LCTL: variants seen among roughly 807,000 people sequenced by gnomAD.
LCTL encodes lactase-like protein.
A neutral mutation model predicts 75.8 loss-of-function variants in LCTL; 76 were observed. The observed-to-expected ratio is 1.00, with a 90% CI of 0.83 to 1.21. LCTL has a LOEUF of 1.21. Among genes scored for constraint, LCTL ranks in the 50% most tolerant of loss-of-function variants. LCTL has a pLI of 0.00. For missense variants in LCTL, 670 were observed against 712.4 expected (o/e 0.94, Z 0.68); for synonymous variants, 271 against 268.8 (o/e 1.01, Z -0.08).
exon 5 of LCTL, chr15:66,561,300 A>G: frequency 1.9e-6 from 3 of 1,614,240 alleles, no homozygotes; most frequent in South Asian, 2.2e-5. Flanking sequence ...CACCCACCGT[A>G]TTTGACCTGG....
chr15:66,562,011 C>T (rs1895900619), intron 4 of LCTL, among the ~76,000 whole-genome samples: 1 of 152,170 alleles, frequency 6.6e-6, no homozygotes, highest in South Asian at 2.1e-4. Context: ...GCTTCCCCCT[C>T]TTTGCCATGC....
chr15:66,564,226 A>G, intron 2 of LCTL: 4 of 571,508 alleles, frequency 7.0e-6, no homozygotes, highest in Non-Finnish European at 1.2e-5. Context: ...AGAGAAGTCC[A>G]TCAGGGTGCC....
chr15:66,561,383 G>A, intron 4 of LCTL, 68 bp from the exon 6 acceptor site: 3 of 1,579,188 alleles, frequency 1.9e-6, no homozygotes, highest in Non-Finnish European at 2.6e-6. Flanking sequence ...GAGATAAGCT[G>A]TGTGACAGTC....
chr15:66,551,345 CAAAAAAA>C (rs67322943), intron 11 of LCTL, among the ~76,000 whole-genome samples: 7 of 50,534 alleles, frequency 1.4e-4, no homozygotes, highest in South Asian at 1.3e-3. Context: ...GATTCTGTCT[CAAAAAAA>C]AAAAAAAAAA....
chr15:66,564,068 C>G, intron 2 of LCTL, 70 bp from the exon 4 acceptor site: 1 of 1,001,712 alleles, frequency 1.0e-6, no homozygotes, highest in South Asian at 1.3e-5. Context: ...CCATCGGGCT[C>G]TAGGGCCGAG....
At chr15:66,549,841 G>GT in intron 12 of LCTL, 200 bp downstream of exon 13, 1 of 423,884 alleles carries the variant, frequency 2.4e-6, no homozygotes. Flanking sequence ...TGGATAAAAT[G>GT]TTTATCTTTC....
intron 4 of LCTL, among the ~76,000 whole-genome samples, chr15:66,562,711 G>A (rs986498305): frequency 5.9e-5 from 9 of 151,928 alleles, no homozygotes; most frequent in African/African-American, 2.2e-4. Flanking sequence ...AGCCTCCCAA[G>A]TAGCTGGGAT....
At chr15:66,552,689 ACATT>A (rs1895638168) in intron 9 of LCTL, among the ~76,000 whole-genome samples, 3 of 139,180 alleles carry the variant, frequency 2.2e-5, no homozygotes, top group Non-Finnish European at 4.9e-5. Flanking sequence ...AAAAAAAAAA[ACATT>A]GTTGGAGGGG....
At chr15:66,560,055 G>C (rs1895848172) in intron 6 of LCTL, among the ~76,000 whole-genome samples, 1 of 151,996 alleles carries the variant, frequency 6.6e-6, no homozygotes, top group South Asian at 2.1e-4. Flanking sequence ...CCGCTTCACT[G>C]CATCCTGGGT....
exon 1 of LCTL, chr15:66,565,293 C>T (rs143621593): frequency 2.2e-5 from 36 of 1,613,762 alleles, no homozygotes; most frequent in Non-Finnish European, 3.0e-5. Flanking sequence ...TCTGGGGACC[C>T]CTTCCGGGCG....
Position 66,551,704 on chromosome 15 carries a change from G to T in LCTL, c.1482C>A (p.Tyr494Ter). 6.2e-7 allele frequency: 1 copy of T among 1,614,050 alleles called. No homozygotes were observed. Among genetic ancestry groups the T allele is most frequent in the South Asian group, 1.1e-5 (1 of 91,076 alleles). The change falls in exon 11 of 13, where the codon TAC becomes TAA. Residue 494 changes from tyrosine to a stop codon, truncating the protein, a stop_gained. Coordinates refer to ENST00000341509, the Ensembl canonical transcript of LCTL. LOFTEE classifies it high-confidence loss of function. Reference sequence around the variant, plus strand: ...ACCCATTGGCAATGATAATCTTCTTGTAATATTGAACTGAAGCCTTTGGAT... The same window carrying T: ...ACCCATTGGCAATGATAATCTTCTTTTAATATTGAACTGAAGCCTTTGGAT...
At chr15:66,557,958 T>G (rs769354098) in intron 7 of LCTL, 24 bp downstream of exon 8, 2 of 1,607,562 alleles carry the variant, frequency 1.2e-6, no homozygotes, top group South Asian at 2.2e-5. Context: ...CTGTCCTGGG[T>G]ACATGTGTGG....
Position 66,551,345 on chromosome 15 carries a change from CAAAAAAAAAAA to C in LCTL, c.1524+306_1524+316del, listed in dbSNP as rs67322943. Reference sequence around the variant, plus strand: ...CTGGCGACAGAGTGAGATTCTGTCTCAAAAAAAAAAAAAAAAAAAAAAAAAGACACGAGATT... The same window carrying C: ...CTGGCGACAGAGTGAGATTCTGTCTCAAAAAAAAAAAAAAGACACGAGATT... On this transcript the variant is annotated intron_variant, in intron 11 of 12. Coordinates refer to ENST00000341509, the Ensembl canonical transcript of LCTL. Among the ~76,000 whole-genome samples the C allele has an allele frequency of 3.1e-3, 158 of 50,570 alleles. 1 individual carries two copies. The highest frequency in any genetic ancestry group is 0.011 in the African/African-American group (152 of 13,224). The allele number at this position is 50,570 out of a possible 152,430, so 33.2% of individuals were successfully genotyped here. A position where few individuals can be genotyped will look rare whatever the true frequency, so the allele number is the denominator to read the frequency against.
chr15:66,556,078 T>C (rs4776790), intron 8 of LCTL, among the ~76,000 whole-genome samples: 15,387 of 152,162 alleles, frequency 0.1, 884 homozygotes, highest in Middle Eastern at 0.13. Flanking sequence ...ACACCCACTG[T>C]TGAAAACAGT....
chr15:66,564,826 G>A (rs372996718), exon 2 of LCTL: 283 of 1,611,904 alleles, frequency 1.8e-4, no homozygotes, highest in African/African-American at 5.6e-4. Context: ...AACTGCCCAC[G>A]CCCCAGGAGA....
chr15:66,553,908 C>T (rs1895680161), intron 8 of LCTL, among the ~76,000 whole-genome samples: 1 of 152,090 alleles, frequency 6.6e-6, no homozygotes, highest in Non-Finnish European at 1.5e-5. Context: ...GTAATTCCAG[C>T]GTTTTGGGAG....
intron 8 of LCTL, among the ~76,000 whole-genome samples, chr15:66,556,982 AT>A (rs1216142021): frequency 2.6e-5 from 4 of 152,170 alleles, no homozygotes; most frequent in Non-Finnish European, 5.9e-5. Context: ...CCCAAAACTT[AT>A]TATGACAGAG....
At chr15:66,560,919 C>A (rs1183335887) in intron 6 of LCTL, 87 bp downstream of exon 7, 2 of 1,143,216 alleles carry the variant, frequency 1.7e-6, no homozygotes, top group Non-Finnish European at 2.6e-6. Flanking sequence ...GGAGGTGGAG[C>A]GGCAGAGGAC....
At chr15:66,557,166 C>T (rs1595706484) in intron 8 of LCTL, among the ~76,000 whole-genome samples, 1 of 152,094 alleles carries the variant, frequency 6.6e-6, no homozygotes, top group East Asian at 1.9e-4. Context: ...GATTACCTAG[C>T]CCTGCATCAC....
Sources: allele counts gnomAD v4.1 joint callset (sites outside exome capture counted in the v4.1 genomes callset), GRCh38; gene constraint gnomAD v4.1.1; transcripts MANE v1.5; gene names NCBI Gene and HGNC (gene_info 2026-07-23, HGNC 2026-07-21).